The following SORBS2 variants were observed in gnomAD, a reference collection of about 807,000 sequenced individuals.
SORBS2 encodes the protein sorbin and SH3 domain containing 2.
Under a neutral mutation model 97.7 loss-of-function variants are expected in SORBS2, and 46 were observed. The observed-to-expected ratio is 0.47, with a 90% CI of 0.37 to 0.60. The LOEUF is 0.60. Ranked by LOEUF, SORBS2 falls within the 20% of genes least tolerant of loss-of-function variation. The pLI is 0.00. For synonymous variants in SORBS2, 476 were observed against 473.4 expected (o/e 1.01, Z -0.07); for missense variants, 1,316 against 1,282.3 (o/e 1.03, Z -0.40).
Position 185,606,501 on chromosome 4 carries a change from AGG to A in SORBS2, c.2796+5277_2796+5278del. 1.0e-6 allele frequency: 1 copy of A among 983,010 alleles called. No individual in the cohort carries two copies. The highest frequency in any genetic ancestry group is 4.7e-5 in the South Asian group (1 of 21,232). The allele number at this position is 983,010 out of a possible 1,614,324, so 60.9% of individuals were successfully genotyped here. On this transcript the variant is annotated intron_variant, in intron 12 of 14. Coordinates refer to ENST00000418609, the Ensembl canonical transcript of SORBS2. This position sits in a 1 kb window ranked among gnomAD's most constrained non-coding sequence, Gnocchi z 4.3. ...TTTAAAAAAATCTGTTAGTCAAAAT[AGG>A]TATTTATTAATATGATTAACTCTAA...
chr4:185,621,771 A>G (rs1286269441), intron 7 of SORBS2, among the ~76,000 whole-genome samples: 1 of 152,134 alleles, frequency 6.6e-6, no homozygotes, highest in African/African-American at 2.4e-5. Context: ...ATTATATTTT[A>G]TACTATAAAT....
intron 12 of SORBS2, among the ~76,000 whole-genome samples, chr4:185,605,392 C>T (rs1056940061): frequency 3.9e-5 from 6 of 152,210 alleles, no homozygotes; most frequent in Non-Finnish European, 8.8e-5. Flanking sequence ...AAGCAGTTCT[C>T]CTGCCTCAGC....
At position 185,709,304 on chromosome 4, in the gene SORBS2, C is replaced by CCTTTTTTTTTTTTTTTTTTTTTTTT. The variant is rs1554199361; in HGVS notation, c.-197-30483_-197-30482insAAAAAAAAAAAAAAAAAAAAAAAAG. On this transcript the variant is annotated intron_variant, in intron 2 of 20. Coordinates refer to the SORBS2 transcript ENST00000284776. Reference sequence around the variant, plus strand: ...GCATGAGCCGCTGTGCTGGCCAAATCTTTTTTTTTTTTTTTTTTTTAGTAA... The same window carrying CCTTTTTTTTTTTTTTTTTTTTTTTT: ...GCATGAGCCGCTGTGCTGGCCAAATCCTTTTTTTTTTTTTTTTTTTTTTTTTTTTTTTTTTTTTTTTTTTTAGTAA... Among the ~76,000 whole-genome samples the CCTTTTTTTTTTTTTTTTTTTTTTTT allele has an allele frequency of 5.3e-4, 51 of 96,768 alleles. 8 individuals carry two copies. The highest frequency in any genetic ancestry group is 1.4e-3 in the South Asian group (4 of 2,846). The allele number at this position is 96,768 out of a possible 152,430, so 63.5% of individuals were successfully genotyped here.
At chr4:185,720,906 G>A (rs962905751) in intron 2 of SORBS2, among the ~76,000 whole-genome samples, 11 of 152,012 alleles carry the variant, frequency 7.2e-5, no homozygotes, top group African/African-American at 2.4e-4. Context: ...TGACAGCCGC[G>A]TGACCGTAGG....
chr4:185,894,723 A>G (rs2099244180), intron 1 of SORBS2, among the ~76,000 whole-genome samples: 1 of 152,194 alleles, frequency 6.6e-6, no homozygotes, highest in Non-Finnish European at 1.5e-5. Context: ...AGCTTATGCC[A>G]AAGAGAGCTG....
chr4:185,944,192 A>G (rs1482109282), intron 1 of SORBS2, among the ~76,000 whole-genome samples: 1 of 152,172 alleles, frequency 6.6e-6, no homozygotes, highest in Non-Finnish European at 1.5e-5. Context: ...ATAGCCAACT[A>G]CTTTTTCTTA....
intron 1 of SORBS2, among the ~76,000 whole-genome samples, chr4:185,809,559 G>A (rs893314427): frequency 6.7e-6 from 1 of 148,868 alleles, no homozygotes; most frequent in Admixed American, 6.8e-5. Flanking sequence ...CAGAAAATAA[G>A]GGTCTAAAAA....
intron 1 of SORBS2, among the ~76,000 whole-genome samples, chr4:185,908,225 T>C (rs189985698): frequency 8.3e-4 from 114 of 137,042 alleles, no homozygotes; most frequent in Non-Finnish European, 1.3e-3. Flanking sequence ...TTTTATTTCA[T>C]CTATAGATAA....
At chr4:185,692,423 T>A (rs951789262) in intron 2 of SORBS2, among the ~76,000 whole-genome samples, 1 of 152,256 alleles carries the variant, frequency 6.6e-6, no homozygotes, top group Admixed American at 6.5e-5. Flanking sequence ...AAAGATTTTT[T>A]AGTCTCTAAA....
At chr4:185,736,385 G>A (rs2098687872) in intron 2 of SORBS2, among the ~76,000 whole-genome samples, 1 of 152,214 alleles carries the variant, frequency 6.6e-6, no homozygotes, top group South Asian at 2.1e-4. Context: ...TGGTCTGTGA[G>A]TGCCCTGGGC....
intron 1 of SORBS2, among the ~76,000 whole-genome samples, chr4:185,779,435 T>C (rs1290934366): frequency 6.6e-6 from 1 of 152,260 alleles, no homozygotes; most frequent in Non-Finnish European, 1.5e-5. Context: ...TGAAAAACTG[T>C]GCAGATTTCC....
intron 2 of SORBS2, among the ~76,000 whole-genome samples, chr4:185,704,360 C>T (rs1468422075): frequency 6.6e-6 from 1 of 152,050 alleles, no homozygotes; most frequent in Non-Finnish European, 1.5e-5. Context: ...ACTCTGTCGC[C>T]CAGGCTGGAG....
At chr4:185,735,945 T>C in intron 2 of SORBS2, among the ~76,000 whole-genome samples, 1 of 152,210 alleles carries the variant, frequency 6.6e-6, no homozygotes, top group East Asian at 1.9e-4. Flanking sequence ...TGCTTACTAT[T>C]ACAGCAAGCT....
chr4:185,649,683 C>A (rs1310403744), intron 2 of SORBS2, 27 bp from the exon 12 acceptor site: 2 of 1,328,278 alleles, frequency 1.5e-6, no homozygotes, highest in Non-Finnish European at 2.0e-6. Flanking sequence ...CAAAAGCAGA[C>A]AAAAAACAGA....
At chr4:185,906,172 T>C (rs2099250717) in intron 1 of SORBS2, among the ~76,000 whole-genome samples, 1 of 152,190 alleles carries the variant, frequency 6.6e-6, no homozygotes, top group African/African-American at 2.4e-5. Flanking sequence ...TAGCTGGGAC[T>C]ACTGGCATGC....
intron 1 of SORBS2, among the ~76,000 whole-genome samples, chr4:185,779,263 G>C (rs1284189986): frequency 6.6e-6 from 1 of 152,144 alleles, no homozygotes; most frequent in African/African-American, 2.4e-5. Context: ...GTGGCTGTAG[G>C]TCACTTACTT....
intron 1 of SORBS2, among the ~76,000 whole-genome samples, chr4:185,887,104 G>A (rs2099240070): frequency 1.3e-5 from 2 of 152,194 alleles, no homozygotes; most frequent in African/African-American, 4.8e-5. Flanking sequence ...GGGGAAGCCG[G>A]AAAAGGCATT....
rs1468748580 is a variant in SORBS2, at chr4:185,616,266, A to G, written c.2352-1107T>C. Among the ~76,000 whole-genome samples the G allele has an allele frequency of 2.0e-5, 3 of 152,200 alleles. No homozygotes were observed. The East Asian group carries it at 5.8e-4, about 29-fold the overall frequency. ...ACCTGATGGAGAACACTTCTCATTG[A>G]TTAAAAGAATTAATCGAAAAAATGG... On this transcript the variant is annotated intron_variant, in intron 9 of 14. Transcript: ENST00000418609.
intron 1 of SORBS2, among the ~76,000 whole-genome samples, chr4:185,888,004 C>G (rs1452813775): frequency 6.7e-6 from 1 of 150,156 alleles, no homozygotes; most frequent in Admixed American, 6.7e-5. Flanking sequence ...ACATTGAACT[C>G]ATATCTTTTC....
Sources: gnomAD v4.1 joint callset for allele counts (sites outside exome capture counted in the v4.1 genomes callset) on GRCh38, gnomAD v4.1.1 for gene constraint, Gnocchi (gnomAD v3.1) non-coding constraint, MANE v1.5 for transcripts, NCBI Gene and HGNC (gene_info 2026-07-23, HGNC 2026-07-21) for gene names.